AGPAT1: variants seen among roughly 807,000 people sequenced by gnomAD.
AGPAT1 encodes the protein 1-acyl-sn-glycerol-3-phosphate acyltransferase alpha.
Under a neutral mutation model 31.2 loss-of-function variants are expected in AGPAT1, and 6 were observed. That is an observed-to-expected ratio of 0.19 (90% CI 0.11 to 0.38). AGPAT1 has a LOEUF of 0.38. Among genes scored for constraint, AGPAT1 ranks in the 10% least tolerant of loss-of-function variants. The probability of loss-of-function intolerance (pLI) is 1.00; values close to 1 mark genes in which losing one functional copy is unlikely to be tolerated. For synonymous variants in AGPAT1, 139 were observed against 154.0 expected (o/e 0.90, Z 0.72); for missense variants, 187 against 377.8 (o/e 0.49, Z 4.19).
chr6:32,170,219 A>T lies in AGPAT1; in HGVS notation c.552T>A (p.Asn184Lys), dbSNP rs765822175. The T allele has an allele frequency of 4.3e-6, 7 of 1,614,108 alleles. No homozygotes were observed. ...WVFPEGTRNH[N>K]GSMLPFKRGA... ...CACGTTTGAAGGGCAGCATGGAGCC[A>T]TTGTGGTTTCTCGTTCCCTCAGGAA... Residue 184 changes from asparagine (N) to lysine (K), a missense_variant, in exon 5 of 7, where the codon AAT (asparagine) becomes AAA (lysine). Physicochemically the swap from Asn to Lys is moderately conservative, Grantham distance 94. Around this residue, in one of 3 missense-constraint regions of AGPAT1, gnomAD observed 113 missense variants for 283.1 expected, o/e 0.40. Transcript: ENST00000375107. This position sits in a 1 kb window ranked among gnomAD's most constrained non-coding sequence, Gnocchi z 7.7.
Position 32,171,455 on chromosome 6 carries a change from G to GAGC in AGPAT1, c.39_41dup (p.Leu14dup), listed in dbSNP as rs752527527. ...GCAGCAGGAAGAGCAGCAGCAGGAA[G>GAGC]AGCAGCAGCAGCAGCATCCATGCCC... On this transcript the variant is annotated inframe_insertion, in exon 2 of 7. Transcript: ENST00000375107. This position sits in a 1 kb window ranked among gnomAD's most constrained non-coding sequence, Gnocchi z 6.9. 7.4e-6 allele frequency: 12 copies of GAGC among 1,611,024 alleles called. No individual in the cohort carries two copies. Among genetic ancestry groups the GAGC allele is most frequent in the Admixed American group, 1.7e-5 (1 of 59,578 alleles).
chr6:32,169,369 T>C lies in AGPAT1; in HGVS notation c.759A>G (p.Arg253=). The change falls in exon 7 of 7, where the codon AGA becomes AGG. Residue 253 remains arginine, a synonymous_variant. Coordinates refer to ENST00000375107, the MANE Select transcript of AGPAT1 (RefSeq NM_006411.4). The surrounding 1 kb of genome is among the most constrained non-coding windows in gnomAD (Gnocchi z 5.9). ...TPDDVPALAD[R]VRHSMLTVFR... ...AAACAGTGAGCATGGAGTGCCGGAC[T>C]CTGTCAGCCAGAGCTGGGACGTCAT... 1 of 1,612,960 alleles carries C rather than the reference T, an allele frequency of 6.2e-7. No individual in the cohort carries two copies. Among genetic ancestry groups the C allele is most frequent in the Non-Finnish European group, 8.5e-7 (1 of 1,179,988 alleles).
In AGPAT1 at chr6:32,176,022, C is replaced by T. The variant is rs1003155253; in HGVS notation, c.-218G>A. The stretch of plus-strand genomic sequence containing the variant: ...GGTAGGAATGGTGGGGGGCTGTCCC[C>T]CCAGCACCCTCCCTCCCTCCCTTTC... On this transcript the variant is annotated 5_prime_UTR_variant, in exon 1 of 7. Coordinates refer to ENST00000375107, the MANE Select transcript of AGPAT1 (RefSeq NM_006411.4). The T allele has an allele frequency of 3.0e-6, 3 of 985,140 alleles. No homozygotes were observed. The African/African-American group carries it at 5.2e-5, about 17-fold the overall frequency. 61.0% of individuals were successfully genotyped at this position (985,140 alleles called of 1,614,324 possible).
In AGPAT1 at chr6:32,171,775, A is replaced by C. The variant is rs2127416335; in HGVS notation, c.-9-270T>G. 2 of 581,030 alleles carry C rather than the reference A, an allele frequency of 3.4e-6. No individual in the cohort carries two copies. Among genetic ancestry groups the C allele is most frequent in the Middle Eastern group, 4.5e-4 (1 of 2,214 alleles). 36.0% of individuals were successfully genotyped at this position (581,030 alleles called of 1,614,324 possible). A position where few individuals can be genotyped will look rare whatever the true frequency, so the allele number is the denominator to read the frequency against. ...CAAGACACAGACATCTACAATTCAC[A>C]GATACCTGATAATAAATGACAACAA... On this transcript the variant is annotated intron_variant, in intron 1 of 6. Transcript: ENST00000375107. This position sits in a 1 kb window ranked among gnomAD's most constrained non-coding sequence, Gnocchi z 6.9.
Position 32,173,565 on chromosome 6 carries a change from A to G in AGPAT1, c.-9-2060T>C, listed in dbSNP as rs546529369. Among the ~76,000 whole-genome samples the G allele has an allele frequency of 1.3e-5, 2 of 152,312 alleles. No individual in the cohort carries two copies. The highest frequency in any genetic ancestry group is 1.9e-4 in the East Asian group (1 of 5,180). ...CTGTCTTGCCTAAAGGCTCTTCTTG[A>G]TAAGTTGACTTCTGCTTACATCTTC... On this transcript the variant is annotated intron_variant, in intron 1 of 6. Transcript: ENST00000375107. This position sits in a 1 kb window ranked among gnomAD's most constrained non-coding sequence, Gnocchi z 4.7.
Position 32,172,205 on chromosome 6 carries a change from G to A in AGPAT1, c.-9-700C>T, listed in dbSNP as rs191990400. 1.7e-3 allele frequency among the ~76,000 whole-genome samples: 262 copies of A among 152,112 alleles called. 13 individuals carry two copies. The East Asian group carries it at 0.037, about 21-fold the overall frequency. On this transcript the variant is annotated intron_variant, in intron 1 of 6. Transcript: ENST00000375107. This position sits in a 1 kb window ranked among gnomAD's most constrained non-coding sequence, Gnocchi z 4.3. ...CGCATGCCTTTAATCCCAGCTACTC[G>A]GGAGGCTGAGGCAGGAGAATCGCTT...
Position 32,169,499 on chromosome 6 carries a change from C to T in AGPAT1, c.680-51G>A. 1 of 1,594,432 alleles carries T rather than the reference C, an allele frequency of 6.3e-7. No homozygotes were observed. On this transcript the variant is annotated intron_variant, in intron 6 of 6. Transcript: ENST00000375107. This position sits in a 1 kb window ranked among gnomAD's most constrained non-coding sequence, Gnocchi z 5.9. ...GCCTGTCCACCCAGGTCTTTGCCCA[C>T]AGGTGGGGCCCAGCTTCCGAGTGAT...
chr6:32,171,457 G>A lies in AGPAT1; in HGVS notation c.40C>T (p.Leu14Phe). The change falls in exon 2 of 7, where the codon CTC (leucine) becomes TTC (phenylalanine). Residue 14 changes from leucine (L) to phenylalanine (F), a missense_variant. This residue lies in a region of AGPAT1 where 45 missense variants were observed against 60.9 expected (regional missense o/e 0.74). Transcript: ENST00000375107. This position sits in a 1 kb window ranked among gnomAD's most constrained non-coding sequence, Gnocchi z 6.9. ...AGCAGGAAGAGCAGCAGCAGGAAGA[G>A]CAGCAGCAGCAGCATCCATGCCCCT... ...WPGAWMLLLL[L>F]FLLLLFLLPT... 6.2e-7 allele frequency: 1 copy of A among 1,607,632 alleles called. No individual in the cohort carries two copies. The highest frequency in any genetic ancestry group is 8.5e-7 in the Non-Finnish European group (1 of 1,177,954).
At position 32,174,659 on chromosome 6, in the gene AGPAT1, G is replaced by A. The variant is rs948676222; in HGVS notation, c.-10+1155C>T. Among the ~76,000 whole-genome samples the A allele has an allele frequency of 9.2e-5, 14 of 152,292 alleles. No homozygotes were observed. Among genetic ancestry groups the A allele is most frequent in the African/African-American group, 2.9e-4 (12 of 41,540 alleles). On this transcript the variant is annotated intron_variant, in intron 1 of 6. Transcript: ENST00000375107. The surrounding 1 kb of genome is among the most constrained non-coding windows in gnomAD (Gnocchi z 4.5). ...GATAATGTTTGTGTAGAGAGGTATG[G>A]GCCAGGGAGGTCACCAAGGTAAGGC...
rs1785459622 is a variant in AGPAT1 at position 32,175,483 on chromosome 6, T to G, written c.-10+331A>C. ...AAATTCTGCTGGCCTTCTCCCCTCATGACCCTTCAAGAGTCATGTGGGGTC... is the reference window on the plus strand; with the variant it reads ...AAATTCTGCTGGCCTTCTCCCCTCAGGACCCTTCAAGAGTCATGTGGGGTC... On this transcript the variant is annotated intron_variant, in intron 1 of 6. Coordinates refer to ENST00000375107, the MANE Select transcript of AGPAT1 (RefSeq NM_006411.4). This position sits in a 1 kb window ranked among gnomAD's most constrained non-coding sequence, Gnocchi z 4.5. 1.3e-5 allele frequency among the ~76,000 whole-genome samples: 2 copies of G among 152,142 alleles called. No individual in the cohort carries two copies. The highest frequency in any genetic ancestry group is 2.9e-5 in the Non-Finnish European group (2 of 68,010).
rs761916980 is a variant in AGPAT1, at chr6:32,170,148, C to G, written c.606+17G>C. On this transcript the variant is annotated intron_variant, in intron 5 of 6. Coordinates refer to ENST00000375107, the MANE Select transcript of AGPAT1 (RefSeq NM_006411.4). This position sits in a 1 kb window ranked among gnomAD's most constrained non-coding sequence, Gnocchi z 7.7. ...GGGGGTTGGCAGCTGAGTAGCAGAA[C>G]GAAGAGCAGTAGTCACCTGGGCCTG... is the stretch of plus-strand genomic sequence containing the variant. 1.2e-6 allele frequency: 2 copies of G among 1,613,706 alleles called. No individual in the cohort carries two copies. Among genetic ancestry groups the G allele is most frequent in the Non-Finnish European group, 1.7e-6 (2 of 1,179,740 alleles).
chr6:32,169,907 G>C lies in AGPAT1; in HGVS notation c.679+59C>G. 1 of 1,469,546 alleles carries C rather than the reference G, an allele frequency of 6.8e-7. No homozygotes were observed. The highest frequency in any genetic ancestry group is 1.1e-5 in the South Asian group (1 of 87,118). The allele number at this position is 1,469,546 out of a possible 1,614,324, so 91.0% of individuals were successfully genotyped here. On this transcript the variant is annotated intron_variant, in intron 6 of 6. Transcript: ENST00000375107. The surrounding 1 kb of genome is among the most constrained non-coding windows in gnomAD (Gnocchi z 5.9). ...CACTGAATGATCCCCCTGCCTCACA[G>C]GGATGTCCTCCCAGCCTCTCCGGAC...
upstream of AGPAT1, chr6:32,176,437 C>G (rs1172545916): frequency 3.2e-6 from 3 of 938,866 alleles, no homozygotes; most frequent in East Asian, 3.5e-4. Context: ...GCTGCTTATT[C>G]CCCCCAACTA....
rs1784786775 is a variant in AGPAT1 at position 32,168,797 on chromosome 6, C to A, written c.*479G>T. The A allele has an allele frequency of 1.3e-5, 2 of 159,442 alleles. No individual in the cohort carries two copies. Among genetic ancestry groups the A allele is most frequent in the Admixed American group, 1.2e-4 (2 of 16,472 alleles). The allele number at this position is 159,442 out of a possible 1,614,324, so 9.9% of individuals were successfully genotyped here. A position where few individuals can be genotyped will look rare whatever the true frequency, so the allele number is the denominator to read the frequency against. On this transcript the variant is annotated 3_prime_UTR_variant, in exon 7 of 7. Coordinates refer to ENST00000375107, the MANE Select transcript of AGPAT1 (RefSeq NM_006411.4). This position sits in a 1 kb window ranked among gnomAD's most constrained non-coding sequence, Gnocchi z 4.5. Reference sequence around the variant, plus strand: ...ATGAGCCTGGGAGTGCTTCAGGTATCAGCTTCCAGCCAGAGGGCGAGAAGT... The same window carrying A: ...ATGAGCCTGGGAGTGCTTCAGGTATAAGCTTCCAGCCAGAGGGCGAGAAGT...
chr6:32,170,857 C>G lies in AGPAT1; in HGVS notation c.334+80G>C. 1 of 1,532,590 alleles carries G rather than the reference C, an allele frequency of 6.5e-7. No homozygotes were observed. The highest frequency in any genetic ancestry group is 1.2e-5 in the South Asian group (1 of 83,210). 94.9% of individuals were successfully genotyped at this position (1,532,590 alleles called of 1,614,324 possible). A position where few individuals can be genotyped will look rare whatever the true frequency, so the allele number is the denominator to read the frequency against. ...TCCCAGAGGAAGGGGAATTGAGGAT[C>G]TCTAGGAGAAGATATTCTAGGGAAG... On this transcript the variant is annotated intron_variant, in intron 3 of 6. Transcript: ENST00000375107. The surrounding 1 kb of genome is among the most constrained non-coding windows in gnomAD (Gnocchi z 7.7).
chr6:32,168,650 T>A lies in AGPAT1; in HGVS notation c.*626A>T, dbSNP rs1017007755. ...GAGACTGAACTGGTATCCCAGAGAG[T>A]GCACGACCCTGGGCATCTGGGCAAG... is the stretch of plus-strand genomic sequence containing the variant. On this transcript the variant is annotated 3_prime_UTR_variant, in exon 7 of 7. Transcript: ENST00000375107. The surrounding 1 kb of genome is among the most constrained non-coding windows in gnomAD (Gnocchi z 4.5). 1 of 154,048 alleles carries A rather than the reference T, an allele frequency of 6.5e-6. No homozygotes were observed. The highest frequency in any genetic ancestry group is 1.4e-5 in the Non-Finnish European group (1 of 69,510). 9.5% of individuals were successfully genotyped at this position (154,048 alleles called of 1,614,324 possible). A position where few individuals can be genotyped will look rare whatever the true frequency, so the allele number is the denominator to read the frequency against.
upstream of AGPAT1, chr6:32,176,179 C>A: frequency 1.0e-6 from 1 of 981,794 alleles, no homozygotes. Context: ...CAATCGTCTC[C>A]CAGAAACTCT....
In AGPAT1 at chr6:32,175,892, C is replaced by G. The variant is rs2127423044; in HGVS notation, c.-88G>C. 1.0e-6 allele frequency: 1 copy of G among 986,436 alleles called. No homozygotes were observed. Among genetic ancestry groups the G allele is most frequent in the East Asian group, 1.1e-4 (1 of 8,838 alleles). 61.1% of individuals were successfully genotyped at this position (986,436 alleles called of 1,614,324 possible). A position where few individuals can be genotyped will look rare whatever the true frequency, so the allele number is the denominator to read the frequency against. On this transcript the variant is annotated 5_prime_UTR_variant, in exon 1 of 7. Coordinates refer to ENST00000375107, the MANE Select transcript of AGPAT1 (RefSeq NM_006411.4). The surrounding 1 kb of genome is among the most constrained non-coding windows in gnomAD (Gnocchi z 4.5). The stretch of plus-strand genomic sequence containing the variant: ...CAGCGGTGGTGGCGGATGGCTGTGT[C>G]TCTGTCTCTGTCGGGGTGTCGGTGC...
At position 32,171,425 on chromosome 6, in the gene AGPAT1, G is replaced by A. The variant is rs1157851800; in HGVS notation, c.72C>T (p.Thr24=). ...LFLLLLFLLP[T]LWFCSPSAKY... is the part of the protein sequence containing the mutation. ...TGGCACTGGGGCTGCAGAACCACAG[G>A]GTGGGCAGCAGGAAGAGCAGCAGCA... The change falls in exon 2 of 7, where the codon ACC becomes ACT. Residue 24 remains threonine, a synonymous_variant. Transcript: ENST00000375107. The surrounding 1 kb of genome is among the most constrained non-coding windows in gnomAD (Gnocchi z 6.9). 1 of 1,613,008 alleles carries A rather than the reference G, an allele frequency of 6.2e-7. No individual in the cohort carries two copies. Among genetic ancestry groups the A allele is most frequent in the African/African-American group, 1.3e-5 (1 of 74,926 alleles).
Sources: allele counts gnomAD v4.1 joint callset (sites outside exome capture counted in the v4.1 genomes callset), GRCh38; gene constraint gnomAD v4.1.1; regional missense constraint gnomAD v4.1.1; non-coding constraint Gnocchi (gnomAD v3.1); transcripts MANE v1.5; gene names NCBI Gene and HGNC (gene_info 2026-07-23, HGNC 2026-07-21).